The following ARHGEF10 variants were observed in gnomAD, a reference collection of about 807,000 sequenced individuals.
ARHGEF10 encodes Rho guanine nucleotide exchange factor 10, also known as Rho guanine nucleotide exchange factor (GEF) 10.
ARHGEF10 carries 140 observed loss-of-function variants against 147.4 expected under a neutral mutation model. That is an observed-to-expected ratio of 0.95 (90% CI 0.83 to 1.09). The LOEUF (loss-of-function observed/expected upper bound fraction) is 1.09. Among genes scored for constraint, ARHGEF10 ranks in the 50% least tolerant of loss-of-function variants. ARHGEF10 has a pLI of 0.00. For missense variants in ARHGEF10, 2,222 were observed against 1,752.7 expected (o/e 1.27, Z -4.78); for synonymous variants, 902 against 695.8 (o/e 1.30, Z -4.67).
intron 1 of ARHGEF10, among the ~76,000 whole-genome samples, chr8:1,841,846 G>GGTCCGCGGCGGGAACTGA (rs1804069592): frequency 1.7e-5 from 2 of 116,418 alleles, no homozygotes; most frequent in African/African-American, 6.5e-5. Flanking sequence ...ACGGGAACTG[G>GGTCCGCGGCGGGAACTGA]GGCCGCGGCG....
intron 7 of ARHGEF10, chr8:1,876,250 G>C: frequency 5.1e-6 from 2 of 392,342 alleles, no homozygotes; most frequent in South Asian, 3.0e-5. Context: ...TTCTTGTGAA[G>C]TTCTCTAAGG....
intron 26 of ARHGEF10, among the ~76,000 whole-genome samples, chr8:1,935,251 C>T (rs1264800418): frequency 2.0e-5 from 3 of 152,076 alleles, no homozygotes; most frequent in African/African-American, 4.8e-5. Flanking sequence ...TGGAGTGGTG[C>T]GTTTGTTACA....
chr8:1,922,114 G>C (rs1014303199), intron 18 of ARHGEF10, among the ~76,000 whole-genome samples: 1 of 152,018 alleles, frequency 6.6e-6, no homozygotes, highest in Non-Finnish European at 1.5e-5. Flanking sequence ...GGCCCGTCGT[G>C]GGATTTAGTG....
chr8:1,874,467 A>G (rs555218323), intron 7 of ARHGEF10, among the ~76,000 whole-genome samples: 1 of 152,228 alleles, frequency 6.6e-6, no homozygotes, highest in Non-Finnish European at 1.5e-5. Flanking sequence ...GAAAAAGGTA[A>G]CATGTGTGAA....
chr8:1,845,634 T>G (rs1369920031), intron 2 of ARHGEF10, among the ~76,000 whole-genome samples: 2 of 152,116 alleles, frequency 1.3e-5, no homozygotes, highest in Non-Finnish European at 1.5e-5. Context: ...GGAAACACCG[T>G]TTTCTCATTA....
intron 2 of ARHGEF10, among the ~76,000 whole-genome samples, chr8:1,857,379 G>A (rs1477004842): frequency 6.6e-6 from 1 of 151,642 alleles, no homozygotes; most frequent in Non-Finnish European, 1.5e-5. Flanking sequence ...GATTTAAAAT[G>A]TGAAAAGCTC....
intron 15 of ARHGEF10, 53 bp from the exon 16 acceptor site, chr8:1,903,228 T>C (rs1271269331): frequency 6.2e-7 from 1 of 1,604,676 alleles, no homozygotes; most frequent in Non-Finnish European, 8.5e-7. Flanking sequence ...CGACTGTTGT[T>C]GCACTGGGAG....
At chr8:1,886,128 A>G (rs1373500548) in intron 11 of ARHGEF10, among the ~76,000 whole-genome samples, 1 of 152,208 alleles carries the variant, frequency 6.6e-6, no homozygotes, top group Non-Finnish European at 1.5e-5. Context: ...GTAACTAATT[A>G]AATCTGAATA....
intron 26 of ARHGEF10, among the ~76,000 whole-genome samples, chr8:1,942,979 A>G (rs1814232836): frequency 6.6e-6 from 1 of 152,226 alleles, no homozygotes; most frequent in Admixed American, 6.5e-5. Context: ...AAGAGTGGTT[A>G]AAGTTGGCAA....
intron 5 of ARHGEF10, 57 bp downstream of exon 5, chr8:1,864,493 G>A: frequency 1.3e-6 from 2 of 1,552,760 alleles, no homozygotes; most frequent in East Asian, 2.2e-5. Context: ...CTGAGGAGCT[G>A]GACGTGGGGA....
In ARHGEF10 at chr8:1,921,827, G is replaced by T. The variant is rs542538000; in HGVS notation, c.2144-1137G>T. Among the ~76,000 whole-genome samples, 3 of 152,322 alleles carry T rather than the reference G, an allele frequency of 2.0e-5. No individual in the cohort carries two copies. In the South Asian group the frequency reaches 6.2e-4, roughly 32 times the overall value. ...GGGCCCTGTAAGCTCAGGTCTGTGC[G>T]ATTCTACAGACCCATGGCCGGGAAG... On this transcript the variant is annotated intron_variant, in intron 18 of 28. Transcript: ENST00000349830.
intron 2 of ARHGEF10, among the ~76,000 whole-genome samples, chr8:1,844,610 G>A (rs7007001): frequency 1.7e-3 from 260 of 152,234 alleles, no homozygotes; most frequent in African/African-American, 5.9e-3. Context: ...CACGGGGTAC[G>A]GGACCCGGTA....
intron 6 of ARHGEF10, among the ~76,000 whole-genome samples, chr8:1,867,554 C>T (rs149821082): frequency 6.6e-4 from 101 of 152,290 alleles, no homozygotes; most frequent in African/African-American, 2.2e-3. Context: ...TTCCAACACG[C>T]GGCTCCAGCT....
At chr8:1,935,684 G>C (rs1939909181) in intron 26 of ARHGEF10, among the ~76,000 whole-genome samples, 1 of 152,208 alleles carries the variant, frequency 6.6e-6, no homozygotes, top group Non-Finnish European at 1.5e-5. Context: ...CTCTACAGAG[G>C]AGCTTGTGCA....
chr8:1,923,453 T>G lies in ARHGEF10; in HGVS notation c.2260-15T>G. ...TTAAACACTTTTGAAATGTGCGTAT[T>G]TATTTCCTTTGTAGAACTTAAACCA... On this transcript the variant is annotated splice_polypyrimidine_tract_variant and intron_variant, in intron 19 of 28. Transcript: ENST00000349830. The G allele has an allele frequency of 6.2e-7, 1 of 1,614,176 alleles. No individual in the cohort carries two copies. The highest frequency in any genetic ancestry group is 8.5e-7 in the Non-Finnish European group (1 of 1,180,052).
intron 18 of ARHGEF10, 137 bp from the exon 19 acceptor site, chr8:1,922,827 G>A (rs971667325): frequency 3.1e-6 from 2 of 642,738 alleles, no homozygotes; most frequent in East Asian, 2.7e-5. Context: ...GCTTGAAAAT[G>A]TCCACTTTTT....
chr8:1,844,360 A>G (rs1804344665), intron 2 of ARHGEF10, among the ~76,000 whole-genome samples: 1 of 152,104 alleles, frequency 6.6e-6, no homozygotes. Context: ...TAGATGACAA[A>G]GACAGGAGAA....
Position 1,864,420 on chromosome 8 carries a change from G to C in ARHGEF10, c.529G>C (p.Glu177Gln). 1 of 1,614,082 alleles carries C rather than the reference G, an allele frequency of 6.2e-7. No individual in the cohort carries two copies. Among genetic ancestry groups the C allele is most frequent in the Non-Finnish European group, 8.5e-7 (1 of 1,179,968 alleles). Residue 177 changes from glutamate to glutamine, a missense_variant, in exon 5 of 29, where the codon GAG becomes CAG. Coordinates refer to ENST00000349830, the MANE Select transcript of ARHGEF10 (RefSeq NM_014629.4). Reference protein sequence around the residue: ...EDRQPNSLSSEEPPTSEDQVG... With the variant: ...EDRQPNSLSSQEPPTSEDQVG... ...TCGCCAGCCCAATTCTCTGAGTTCC[G>C]AGGAGCCTCCAACCAGGTATCTGCA...
intron 18 of ARHGEF10, among the ~76,000 whole-genome samples, chr8:1,911,416 A>C (rs1811344915): frequency 6.6e-6 from 1 of 152,234 alleles, no homozygotes; most frequent in Non-Finnish European, 1.5e-5. Flanking sequence ...TTTTGCCATC[A>C]ATAGTGTTTT....
Sources: gnomAD v4.1 joint callset for allele counts (sites outside exome capture counted in the v4.1 genomes callset) on GRCh38, gnomAD v4.1.1 for gene constraint, MANE v1.5 for transcripts, NCBI Gene and HGNC (gene_info 2026-07-23, HGNC 2026-07-21) for gene names.